The following CLMP variants were observed in gnomAD, a reference collection of about 807,000 sequenced individuals.
The protein encoded by CLMP is CXADR like cell adhesion molecule.
A neutral mutation model predicts 45.2 loss-of-function variants in CLMP; 27 were observed. The observed-to-expected ratio is 0.60, with a 90% CI of 0.44 to 0.82. CLMP has a LOEUF of 0.82. Ranked by LOEUF, CLMP falls within the 40% of genes least tolerant of loss-of-function variation. CLMP has a pLI of 0.00. For missense variants in CLMP, 403 were observed against 448.4 expected (o/e 0.90, Z 0.91); for synonymous variants, 167 against 171.4 (o/e 0.97, Z 0.20).
chr11:123,078,307 C>T (rs114831519), intron 5 of CLMP, among the ~76,000 whole-genome samples: 1,940 of 152,122 alleles, frequency 0.013, 32 homozygotes, highest in African/African-American at 0.044. Context: ...TAAGCAACAA[C>T]AATGATGAGT....
chr11:123,148,311 A>G (rs1278136369), intron 1 of CLMP, among the ~76,000 whole-genome samples: 1 of 152,142 alleles, frequency 6.6e-6, no homozygotes, highest in East Asian at 1.9e-4. Context: ...GCTGTCACAG[A>G]TTTGTCTGAA....
intron 5 of CLMP, among the ~76,000 whole-genome samples, chr11:123,082,710 A>G (rs1288199322): frequency 6.7e-6 from 1 of 150,240 alleles, no homozygotes; most frequent in Non-Finnish European, 1.5e-5. Context: ...TCCCAGGTTC[A>G]GGAGATTTTC....
chr11:123,077,448 C>A (rs1485905871), intron 5 of CLMP, among the ~76,000 whole-genome samples: 1 of 152,210 alleles, frequency 6.6e-6, no homozygotes, highest in Non-Finnish European at 1.5e-5. Flanking sequence ...TCTCCTGCCT[C>A]AACTTCCTGA....
At chr11:123,121,552 C>T (rs1860818837) in intron 1 of CLMP, among the ~76,000 whole-genome samples, 1 of 152,094 alleles carries the variant, frequency 6.6e-6, no homozygotes, top group Non-Finnish European at 1.5e-5. Context: ...CCTGCCTTGG[C>T]CTCCCAAAGT....
intron 1 of CLMP, among the ~76,000 whole-genome samples, chr11:123,173,576 G>A (rs747171490): frequency 2.0e-5 from 3 of 152,176 alleles, no homozygotes; most frequent in Non-Finnish European, 4.4e-5. Flanking sequence ...AAAGAGCACA[G>A]GCTTGGCAAT....
intron 1 of CLMP, among the ~76,000 whole-genome samples, chr11:123,121,794 T>C (rs1860822459): frequency 6.6e-6 from 1 of 152,208 alleles, no homozygotes; most frequent in South Asian, 2.1e-4. Flanking sequence ...CTCTTCCACC[T>C]GCTTTCATCA....
intron 1 of CLMP, among the ~76,000 whole-genome samples, chr11:123,174,474 C>T (rs896968378): frequency 6.6e-6 from 1 of 152,198 alleles, no homozygotes; most frequent in Non-Finnish European, 1.5e-5. Flanking sequence ...AGCTCTATCT[C>T]CCAAAATATA....
At chr11:123,083,999 A>AC in intron 3 of CLMP, 152 bp from the exon 4 acceptor site, 1 of 793,246 alleles carries the variant, frequency 1.3e-6, no homozygotes, top group South Asian at 1.8e-5. Flanking sequence ...GCTTTACACT[A>AC]CCCCCACCAA....
At chr11:123,180,316 C>A (rs1861752609) in intron 1 of CLMP, among the ~76,000 whole-genome samples, 1 of 152,156 alleles carries the variant, frequency 6.6e-6, no homozygotes. Context: ...GAAATCCTAA[C>A]CCTCAAGGTG....
chr11:123,138,200 TG>T (rs1363758258), intron 1 of CLMP, among the ~76,000 whole-genome samples: 4 of 152,142 alleles, frequency 2.6e-5, no homozygotes, highest in African/African-American at 9.7e-5. Flanking sequence ...ACACATGGAC[TG>T]TTTTTAAATT....
chr11:123,130,147 G>A (rs1487462312), intron 1 of CLMP, among the ~76,000 whole-genome samples: 1 of 152,178 alleles, frequency 6.6e-6, no homozygotes, highest in African/African-American at 2.4e-5. Flanking sequence ...CAAGGGAAAA[G>A]GAGGTAAAGA....
At chr11:123,165,292 C>T (rs1229686946) in intron 1 of CLMP, among the ~76,000 whole-genome samples, 1 of 152,156 alleles carries the variant, frequency 6.6e-6, no homozygotes, top group East Asian at 1.9e-4. Context: ...AGTTTGAATC[C>T]CAGCTCCACC....
rs866784150 is a variant in CLMP at position 123,073,157 on chromosome 11, T to A, written c.*317A>T. On this transcript the variant is annotated 3_prime_UTR_variant, in exon 7 of 7. Coordinates refer to ENST00000448775, the MANE Select transcript of CLMP (RefSeq NM_024769.5). ...TACAAAATATCCCACATTAAAAGTTTTAGGTATATTCACCTCACCTTTCCC... is the reference window on the plus strand; with the variant it reads ...TACAAAATATCCCACATTAAAAGTTATAGGTATATTCACCTCACCTTTCCC... 2 of 229,888 alleles carry A rather than the reference T, an allele frequency of 8.7e-6. No homozygotes were observed. The highest frequency in any genetic ancestry group is 1.5e-3 in the Middle Eastern group (1 of 656). 14.2% of individuals were successfully genotyped at this position (229,888 alleles called of 1,614,324 possible).
intron 1 of CLMP, among the ~76,000 whole-genome samples, chr11:123,141,462 G>A (rs1861157594): frequency 6.6e-6 from 1 of 152,068 alleles, no homozygotes; most frequent in Non-Finnish European, 1.5e-5. Context: ...GGGATTACAG[G>A]TGTGAGCCAC....
chr11:123,071,310 C>G lies in CLMP; in HGVS notation c.*2164G>C, dbSNP rs116274621. On this transcript the variant is annotated 3_prime_UTR_variant, in exon 7 of 7. Coordinates refer to ENST00000448775, the MANE Select transcript of CLMP (RefSeq NM_024769.5). ...ATTAGCTGTACGTGGTGGCGCACAC[C>G]TATAATCCAAGCTACTTGGGGGACT... is the stretch of plus-strand genomic sequence containing the variant. 1 of 152,068 alleles carries G rather than the reference C, an allele frequency of 6.6e-6. No homozygotes were observed. The highest frequency in any genetic ancestry group is 1.5e-5 in the Non-Finnish European group (1 of 68,066). The allele number at this position is 152,068 out of a possible 1,614,324, so 9.4% of individuals were successfully genotyped here. A position where few individuals can be genotyped will look rare whatever the true frequency, so the allele number is the denominator to read the frequency against.
At chr11:123,103,702 TTC>T (rs1860485785) in intron 1 of CLMP, among the ~76,000 whole-genome samples, 1 of 151,962 alleles carries the variant, frequency 6.6e-6, no homozygotes, top group African/African-American at 2.4e-5. Flanking sequence ...CCCTTTTTTT[TTC>T]TTTCTTTCTT....
chr11:123,144,597 C>T (rs753533128), intron 1 of CLMP, among the ~76,000 whole-genome samples: 7 of 152,178 alleles, frequency 4.6e-5, no homozygotes, highest in African/African-American at 7.2e-5. Context: ...CTCGAACTCC[C>T]GACCTCAGGT....
chr11:123,083,230 T>C, intron 4 of CLMP, 23 bp from the exon 5 acceptor site: 1 of 1,609,686 alleles, frequency 6.2e-7, no homozygotes, highest in Non-Finnish European at 8.5e-7. Flanking sequence ...AAAGAATGAC[T>C]GTAAATCCCT....
At chr11:123,138,509 G>A (rs772710649) in intron 1 of CLMP, among the ~76,000 whole-genome samples, 62 of 151,940 alleles carry the variant, frequency 4.1e-4, no homozygotes, top group Non-Finnish European at 7.2e-4. Context: ...TTTCCTGCTG[G>A]TTACAGAGAT....
Sources: allele counts gnomAD v4.1 joint callset (sites outside exome capture counted in the v4.1 genomes callset), GRCh38; gene constraint gnomAD v4.1.1; transcripts MANE v1.5; gene names NCBI Gene and HGNC (gene_info 2026-07-23, HGNC 2026-07-21).